Variants in NES observed in about 807,000 individuals in gnomAD.
NES encodes the protein nestin.
In NES, 27 loss-of-function variants were observed where a neutral mutation model predicts 35.6. The observed-to-expected ratio is 0.76, with a 90% confidence interval of 0.56 to 1.04. NES has a LOEUF of 1.04. Ranked by LOEUF, NES falls within the 50% of genes least tolerant of loss-of-function variation. The pLI, the probability that NES is intolerant of heterozygous loss-of-function variation, is 0.00. For synonymous variants in NES, 822 were observed against 824.2 expected, an observed-to-expected ratio of 1.00 and a Z score of 0.04; for missense variants, 1,867 against 1,983.6, an observed-to-expected ratio of 0.94 and a Z score of 1.12.
intron 3 of NES, 80 bp from the exon 4 acceptor site, chr1:156,673,285 A>G: frequency 2.3e-6 from 3 of 1,331,768 alleles, no homozygotes; most frequent in South Asian, 2.9e-5. Flanking sequence ...ACCGCTGGCA[A>G]GAGTATCCAT....
Position 156,670,630 on chromosome 1 carries a change from C to G in NES, c.3558G>C (p.Ala1186=). 1.2e-6 allele frequency: 2 copies of G among 1,613,868 alleles called. No homozygotes were observed. ...TGTGGCCCAGGGTCTCAGCAGGGAA[C>G]GCCTCCTCTGCTCCCCTGGGGGCCT... The part of the protein sequence containing the change: ...EAEAPRGAEE[A]FPAETLGHTG... The change falls in exon 4 of 4, where the codon GCG becomes GCC. Residue 1186 remains alanine, a synonymous_variant. Transcript: ENST00000368223.
chr1:156,671,092 C>G lies in NES; in HGVS notation c.3096G>C (p.Lys1032Asn). The change falls in exon 4 of 4, where the codon AAG (lysine) becomes AAC (asparagine). Residue 1032 changes from lysine to asparagine, a missense_variant. Coordinates refer to ENST00000368223, the MANE Select transcript of NES (RefSeq NM_006617.2). ...GGTCCTGGAGGCCCTCAGCCCCTCC[C>G]TTCACACTGGCTCCCTCAACCAGGC... ...QRGLVEGASV[K>N]GGAEGLQDPE... is the part of the protein sequence containing the mutation. 1 of 1,614,064 alleles carries G rather than the reference C, an allele frequency of 6.2e-7. No homozygotes were observed. The highest frequency in any genetic ancestry group is 8.5e-7 in the Non-Finnish European group (1 of 1,179,998).
At position 156,670,775 on chromosome 1, in the gene NES, T is replaced by C. The variant is rs1047931030; in HGVS notation, c.3413A>G (p.Glu1138Gly). The C allele has an allele frequency of 6.2e-7, 1 of 1,614,094 alleles. No individual in the cohort carries two copies. The highest frequency in any genetic ancestry group is 8.5e-7 in the Non-Finnish European group (1 of 1,179,990). Reference protein sequence around the residue: ...SLEAKRVQGLEGPRKDLEEAG... With the variant: ...SLEAKRVQGLGGPRKDLEEAG... The stretch of plus-strand genomic sequence containing the variant: ...CTCCTCTAGGTCCTTTCTAGGCCCT[T>C]CCAAGCCCTGAACCCTCTTTGCCTC... The change falls in exon 4 of 4, where the codon GAA becomes GGA. Residue 1138 changes from glutamate (E) to glycine (G), a missense_variant. Physicochemically the swap from Glu to Gly is moderately conservative, Grantham distance 98 (BLOSUM62 -2). Coordinates refer to ENST00000368223, the MANE Select transcript of NES (RefSeq NM_006617.2).
chr1:156,671,157 C>T lies in NES; in HGVS notation c.3031G>A (p.Glu1011Lys), dbSNP rs755389456. The change falls in exon 4 of 4, where the codon GAG becomes AAG. Residue 1011 changes from glutamate (E) to lysine (K), a missense_variant. Coordinates refer to ENST00000368223, the MANE Select transcript of NES (RefSeq NM_006617.2). ...NATEEVWIPG[E>K]GHPESPEPKE... ...GGCTCAGGGCTCTCTGGGTGCCCCT[C>T]GCCTGGGATCCAGACCTCCTCTGTG... 30 of 1,613,946 alleles carry T rather than the reference C, an allele frequency of 1.9e-5. No homozygotes were observed. In the African/African-American group the frequency reaches 2.1e-4, roughly 11 times the overall value.
chr1:156,676,341 G>A lies in NES; in HGVS notation c.783+141C>T, dbSNP rs867001672. 2 of 777,828 alleles carry A rather than the reference G, an allele frequency of 2.6e-6. No individual in the cohort carries two copies. The highest frequency in any genetic ancestry group is 5.3e-5 in the Admixed American group (2 of 37,624). The allele number at this position is 777,828 out of a possible 1,614,324, so 48.2% of individuals were successfully genotyped here. A position where few individuals can be genotyped will look rare whatever the true frequency, so the allele number is the denominator to read the frequency against. On this transcript the variant is annotated intron_variant, in intron 1 of 3. Transcript: ENST00000368223. This position sits in a 1 kb window ranked among gnomAD's most constrained non-coding sequence, Gnocchi z 5.3. ...GACGGGCTGTAAAAGTCTAGGACTTGTGGCACCAGGTTTCTGAGAACTGGC... is the reference window on the plus strand; with the variant it reads ...GACGGGCTGTAAAAGTCTAGGACTTATGGCACCAGGTTTCTGAGAACTGGC...
rs1486795675 is a variant in NES at position 156,672,827 on chromosome 1, G to A, written c.1361C>T (p.Ala454Val). The A allele has an allele frequency of 1.2e-6, 2 of 1,613,834 alleles. No homozygotes were observed. The highest frequency in any genetic ancestry group is 2.2e-5 in the East Asian group (1 of 44,880). Residue 454 changes from alanine to valine, a missense_variant, in exon 4 of 4, where the codon GCC (alanine) becomes GTC (valine). Coordinates refer to ENST00000368223, the MANE Select transcript of NES (RefSeq NM_006617.2). ...GTCCTCTGGGGACTGGCCTGTACTG[G>A]CCTCTTGCCGCTGGCCCCCAGGCTC... ...PEEPGGQRQE[A>V]STGQSPEDHA... is the part of the protein sequence containing the mutation.
rs747563050 is a variant in NES, at chr1:156,670,141, C to T, written c.4047G>A (p.Lys1349=). The change falls in exon 4 of 4, where the codon AAG becomes AAA. Residue 1349 remains lysine (K), a synonymous_variant. Transcript: ENST00000368223. ...SEGLEAPPSE[K]EEGEEGEEEC... is the part of the protein sequence containing the mutation. ...CCTCTTCTCCCTCCTCCCCCTCCTC[C>T]TTTTCTGAGGGTGGGGCCTCAAGGC... 1.9e-6 allele frequency: 3 copies of T among 1,614,058 alleles called. No homozygotes were observed. The highest frequency in any genetic ancestry group is 2.5e-6 in the Non-Finnish European group (3 of 1,180,014).
chr1:156,672,966 G>C lies in NES; in HGVS notation c.1222C>G (p.Gln408Glu). Residue 408 changes from glutamine to glutamate, a missense_variant, in exon 4 of 4, where the codon CAG (glutamine) becomes GAG (glutamate). Coordinates refer to ENST00000368223, the MANE Select transcript of NES (RefSeq NM_006617.2). ...SPAVDAEIRA[Q>E]DAPLSLLQTQ... Reference sequence around the variant, plus strand: ...TGGAGCAGAGAGAGAGGAGCATCCTGGGCTCTGATCTCTGCATCTACAGCA... The same window carrying C: ...TGGAGCAGAGAGAGAGGAGCATCCTCGGCTCTGATCTCTGCATCTACAGCA... The C allele has an allele frequency of 3.7e-6, 6 of 1,614,088 alleles. No individual in the cohort carries two copies. The highest frequency in any genetic ancestry group is 5.1e-6 in the Non-Finnish European group (6 of 1,180,020).
In NES at chr1:156,669,264, A is replaced by C; in HGVS notation, c.*58T>G. 2.4e-6 allele frequency: 3 copies of C among 1,239,260 alleles called. No homozygotes were observed. The highest frequency in any genetic ancestry group is 3.4e-6 in the Non-Finnish European group (3 of 891,578). The allele number at this position is 1,239,260 out of a possible 1,614,324, so 76.8% of individuals were successfully genotyped here. The stretch of plus-strand genomic sequence containing the variant: ...GCTCCTGAGCAGGGAGCGGGCTTGG[A>C]GGCGTCCTTCCCCTCCCCGCACCCC... On this transcript the variant is annotated 3_prime_UTR_variant, in exon 4 of 4. Coordinates refer to ENST00000368223, the MANE Select transcript of NES (RefSeq NM_006617.2).
chr1:156,676,927 C>T lies in NES; in HGVS notation c.338G>A (p.Arg113Gln). 1.3e-6 allele frequency: 2 copies of T among 1,551,698 alleles called. No individual in the cohort carries two copies. Among genetic ancestry groups the T allele is most frequent in the African/African-American group, 2.8e-5 (2 of 71,770 alleles). Residue 113 changes from arginine to glutamine, a missense_variant, in exon 1 of 4, where the codon CGG becomes CAG. Transcript: ENST00000368223. The surrounding 1 kb of genome is among the most constrained non-coding windows in gnomAD (Gnocchi z 5.3). The part of the protein sequence containing the change: ...ERTTEEVARN[R>Q]RAVEAEKCAR... ...GCATTTCTCTGCCTCGACGGCGCGC[C>T]GGTTGCGGGCTACCTCCTCCGTCGT...
At chr1:156,674,411 C>A (rs1450380412) in intron 2 of NES, among the ~76,000 whole-genome samples, 1 of 152,236 alleles carries the variant, frequency 6.6e-6, no homozygotes, top group South Asian at 2.1e-4. Flanking sequence ...GGCGGTGGAG[C>A]CCCTCTCCTC....
Position 156,670,449 on chromosome 1 carries a change from A to C in NES, c.3739T>G (p.Trp1247Gly), listed in dbSNP as rs771153552. ...GCTTCAGCCCTCCCCTGCACCCCCC[A>C]GCTAGCCTCCTGACTCCCTTCAGCC... ...PQAEGSQEAS[W>G]GVQGRAEALG... is the part of the protein sequence containing the mutation. The change falls in exon 4 of 4, where the codon TGG becomes GGG. Residue 1247 changes from tryptophan (W) to glycine (G), a missense_variant. By Grantham distance (184) the Trp-to-Gly change is radical (BLOSUM62 -2). Coordinates refer to ENST00000368223, the MANE Select transcript of NES (RefSeq NM_006617.2). The C allele has an allele frequency of 6.4e-7, 1 of 1,560,548 alleles. No individual in the cohort carries two copies. The highest frequency in any genetic ancestry group is 8.7e-7 in the Non-Finnish European group (1 of 1,153,010).
rs1647322836 is a variant in NES at position 156,677,078 on chromosome 1, G to A, written c.187C>T (p.Leu63=). 1 of 1,600,828 alleles carries A rather than the reference G, an allele frequency of 6.2e-7. No homozygotes were observed. The highest frequency in any genetic ancestry group is 1.3e-5 in the African/African-American group (1 of 74,690). The part of the protein sequence containing the change: ...RAHADDELAA[L]RALVDQRWRE... ...CAGCGTTGGTCAACGAGGGCCCGCA[G>A]GGCCGCCAGCTCGTCGTCGGCATGC... The change falls in exon 1 of 4, where the codon CTG becomes TTG. Residue 63 remains leucine (L), a synonymous_variant. Transcript: ENST00000368223. The surrounding 1 kb of genome is among the most constrained non-coding windows in gnomAD (Gnocchi z 4.5).
chr1:156,673,588 C>A, intron 2 of NES, 61 bp from the exon 3 acceptor site: 2 of 1,320,056 alleles, frequency 1.5e-6, no homozygotes, highest in African/African-American at 1.5e-5. Context: ...AGGCAGCAAG[C>A]CAGCTGGGGA....
At position 156,676,955 on chromosome 1, in the gene NES, G is replaced by T. The variant is rs758091928; in HGVS notation, c.310C>A (p.Arg104=). The T allele has an allele frequency of 1.3e-6, 2 of 1,556,698 alleles. No homozygotes were observed. Among genetic ancestry groups the T allele is most frequent in the Admixed American group, 1.9e-5 (1 of 54,024 alleles). ...TTGCGGGCTACCTCCTCCGTCGTCC[G>T]CTCCCGGGCCAGCCGCAGCTGCTGG... ...RCQQLRLARE[R]TTEEVARNRR... is the part of the protein sequence containing the mutation. The change falls in exon 1 of 4, where the codon CGG becomes AGG. Residue 104 remains arginine, a synonymous_variant. Transcript: ENST00000368223. This position sits in a 1 kb window ranked among gnomAD's most constrained non-coding sequence, Gnocchi z 5.3.
In NES at chr1:156,677,279, C is replaced by G; in HGVS notation, c.-15G>C. ...CAGCCCTCCATCCTGCTCGTCTGAC[C>G]CACTGAGGATGGACAGACGCGGGGC... On this transcript the variant is annotated 5_prime_UTR_variant, in exon 1 of 4. Transcript: ENST00000368223. This position sits in a 1 kb window ranked among gnomAD's most constrained non-coding sequence, Gnocchi z 4.5. 1 of 1,605,274 alleles carries G rather than the reference C, an allele frequency of 6.2e-7. No individual in the cohort carries two copies. The highest frequency in any genetic ancestry group is 8.5e-7 in the Non-Finnish European group (1 of 1,177,414).
At position 156,670,899 on chromosome 1, in the gene NES, C is replaced by A. The variant is rs758276625; in HGVS notation, c.3289G>T (p.Ala1097Ser). 6.2e-7 allele frequency: 1 copy of A among 1,610,468 alleles called. No individual in the cohort carries two copies. The highest frequency in any genetic ancestry group is 1.3e-5 in the African/African-American group (1 of 74,764). ...EPAMGESAAGAEPGPGQGVGG... is the reference protein window; with the variant it reads ...EPAMGESAAGSEPGPGQGVGG... The stretch of plus-strand genomic sequence containing the variant: ...ACCCCCTGCCCCGGGCCTGGCTCAG[C>A]TCCCGCAGCAGACTCACCCATGGCA... The change falls in exon 4 of 4, where the codon GCT (alanine) becomes TCT (serine). Residue 1097 changes from alanine to serine, a missense_variant. Ala to Ser is a moderately conservative substitution (Grantham distance 99). Transcript: ENST00000368223.
Position 156,676,363 on chromosome 1 carries a change from TG to T in NES, c.783+118del. 1.0e-6 allele frequency: 1 copy of T among 978,742 alleles called. No individual in the cohort carries two copies. The highest frequency in any genetic ancestry group is 1.5e-6 in the Non-Finnish European group (1 of 667,774). 60.6% of individuals were successfully genotyped at this position (978,742 alleles called of 1,614,324 possible). On this transcript the variant is annotated intron_variant, in intron 1 of 3. Transcript: ENST00000368223. This position sits in a 1 kb window ranked among gnomAD's most constrained non-coding sequence, Gnocchi z 5.3. The stretch of plus-strand genomic sequence containing the variant: ...CTTGTGGCACCAGGTTTCTGAGAAC[TG>T]GCTCCTGATTCAGCAGCCAGCTAGC...
Position 156,676,939 on chromosome 1 carries a change from A to G in NES, c.326T>C (p.Val109Ala). 1 of 1,552,218 alleles carries G rather than the reference A, an allele frequency of 6.4e-7. No homozygotes were observed. ...RLARERTTEE[V>A]ARNRRAVEAE... ...CTCGACGGCGCGCCGGTTGCGGGCT[A>G]CCTCCTCCGTCGTCCGCTCCCGGGC... Residue 109 changes from valine to alanine, a missense_variant, in exon 1 of 4, where the codon GTA (valine) becomes GCA (alanine). By Grantham distance (64) the Val-to-Ala change is moderately conservative. Coordinates refer to ENST00000368223, the MANE Select transcript of NES (RefSeq NM_006617.2). This position sits in a 1 kb window ranked among gnomAD's most constrained non-coding sequence, Gnocchi z 5.3.
Sources: gnomAD v4.1 joint callset for allele counts (sites outside exome capture counted in the v4.1 genomes callset) on GRCh38, gnomAD v4.1.1 for gene constraint, Gnocchi (gnomAD v3.1) non-coding constraint, MANE v1.5 for transcripts, NCBI Gene and HGNC (gene_info 2026-07-23, HGNC 2026-07-21) for gene names.